Variants in ARHGEF26 observed in about 807,000 individuals in gnomAD.
ARHGEF26 encodes Rho guanine nucleotide exchange factor (GEF) 26.
ARHGEF26 carries 59 observed loss-of-function variants against 89.4 expected under a neutral mutation model. The observed-to-expected ratio is 0.66, with a 90% CI of 0.54 to 0.82. The LOEUF is 0.82. Ranked by LOEUF, ARHGEF26 falls within the 40% of genes least tolerant of loss-of-function variation. The pLI, the probability that ARHGEF26 is intolerant of heterozygous loss-of-function variation, is 0.00. For synonymous variants in ARHGEF26, 500 were observed against 428.4 expected (o/e 1.17, Z -2.06); for missense variants, 1,234 against 1,085.6 (o/e 1.14, Z -1.92).
In ARHGEF26 at chr3:154,124,492, G is replaced by A. The variant is rs1256928739; in HGVS notation, c.1123+43G>A. 5 of 1,485,840 alleles carry A rather than the reference G, an allele frequency of 3.4e-6. No homozygotes were observed. In the African/African-American group the frequency reaches 4.4e-5, roughly 13 times the overall value. 92.0% of individuals were successfully genotyped at this position (1,485,840 alleles called of 1,614,324 possible). Reference sequence around the variant, plus strand: ...CAAACTTTCATTGCTGTTTCAATGTGGAATACCAATTATAAGTTGAAATCC... The same window carrying A: ...CAAACTTTCATTGCTGTTTCAATGTAGAATACCAATTATAAGTTGAAATCC... On this transcript the variant is annotated intron_variant, in intron 3 of 14. Transcript: ENST00000465093.
chr3:154,191,176 A>G lies in ARHGEF26; in HGVS notation c.1641-113A>G, dbSNP rs1329001051. The G allele has an allele frequency of 1.3e-5, 15 of 1,173,710 alleles. No homozygotes were observed. The East Asian group carries it at 1.3e-4, about 10-fold the overall frequency. The allele number at this position is 1,173,710 out of a possible 1,614,324, so 72.7% of individuals were successfully genotyped here. ...TGCTTATGATATTTTCATACAGTTT[A>G]AAATAGTTGATGCTATATGGATTTA... On this transcript the variant is annotated intron_variant, in intron 7 of 14. Transcript: ENST00000465093.
intron 12 of ARHGEF26, among the ~76,000 whole-genome samples, chr3:154,242,960 G>A (rs1193740258): frequency 2.0e-5 from 3 of 152,214 alleles, no homozygotes; most frequent in Admixed American, 6.5e-5. Flanking sequence ...GTTTGCGGCT[G>A]TGGGGAGGTG....
At chr3:154,248,114 G>A (rs544789470) in intron 12 of ARHGEF26, among the ~76,000 whole-genome samples, 27 of 152,282 alleles carry the variant, frequency 1.8e-4, no homozygotes, top group Non-Finnish European at 3.4e-4. Context: ...AGTGTATACC[G>A]TCATGAAACA....
In ARHGEF26 at chr3:154,193,114, CAAAATTTTACAT is replaced by C. The variant is rs1243216489; in HGVS notation, c.1771-1524_1771-1513del. 3.9e-5 allele frequency among the ~76,000 whole-genome samples: 6 copies of C among 152,098 alleles called. No individual in the cohort carries two copies. In the East Asian group the frequency reaches 5.8e-4, roughly 15 times the overall value. ...TCTTCCCAGAGAATATGTGTATGCA[CAAAATTTTACAT>C]AAAATATCAATATATGGAATCCAGC... is the stretch of plus-strand genomic sequence containing the variant. On this transcript the variant is annotated intron_variant, in intron 8 of 14. Coordinates refer to ENST00000465093, the MANE Select transcript of ARHGEF26 (RefSeq NM_015595.4).
intron 7 of ARHGEF26, among the ~76,000 whole-genome samples, chr3:154,189,883 G>GAAACTTAAAACTTA (rs1713841402): frequency 3.3e-5 from 5 of 151,826 alleles, no homozygotes; most frequent in Admixed American, 3.3e-4. Flanking sequence ...TCAGTAAAAG[G>GAAACTTAAAACTTA]AAACTTAAAA....
At chr3:154,208,136 A>G (rs1456212095) in intron 9 of ARHGEF26, among the ~76,000 whole-genome samples, 2 of 152,196 alleles carry the variant, frequency 1.3e-5, no homozygotes, top group African/African-American at 2.4e-5. Flanking sequence ...CAGAATAGCT[A>G]GTGGATTCTG....
chr3:154,191,359 A>T lies in ARHGEF26; in HGVS notation c.1711A>T (p.Met571Leu). 1 of 1,613,812 alleles carries T rather than the reference A, an allele frequency of 6.2e-7. No homozygotes were observed. The highest frequency in any genetic ancestry group is 1.3e-5 in the African/African-American group (1 of 75,032). ...ESHEDCRNLP[M>L]ISFLILPMQR... Reference sequence around the variant, plus strand: ...CCATGAAGACTGTAGGAACTTACCCATGATCTCTTTTCTCATTCTCCCCAT... The same window carrying T: ...CCATGAAGACTGTAGGAACTTACCCTTGATCTCTTTTCTCATTCTCCCCAT... The change falls in exon 8 of 15, where the codon ATG becomes TTG. Residue 571 changes from methionine (M) to leucine (L), a missense_variant. By Grantham distance (15) the Met-to-Leu change is conservative. Transcript: ENST00000465093.
chr3:154,145,947 T>C (rs188681094), intron 4 of ARHGEF26, among the ~76,000 whole-genome samples: 43 of 152,330 alleles, frequency 2.8e-4, no homozygotes, highest in Admixed American at 1.8e-3. Context: ...GTGGAGATGC[T>C]TAGTGTAACT....
chr3:154,228,111 G>A (rs1716599223), intron 11 of ARHGEF26, among the ~76,000 whole-genome samples: 1 of 151,462 alleles, frequency 6.6e-6, no homozygotes, highest in Non-Finnish European at 1.5e-5. Flanking sequence ...TTAATAAAGA[G>A]CAATGCCATT....
intron 9 of ARHGEF26, among the ~76,000 whole-genome samples, chr3:154,204,983 C>A (rs535528125): frequency 6.6e-6 from 1 of 152,166 alleles, no homozygotes; most frequent in African/African-American, 2.4e-5. Flanking sequence ...TTTTATAGCT[C>A]CTGGATGAAA....
chr3:154,189,833 GTTT>G (rs11456094), intron 7 of ARHGEF26, among the ~76,000 whole-genome samples: 1 of 144,252 alleles, frequency 6.9e-6, no homozygotes, highest in Non-Finnish European at 1.5e-5. Flanking sequence ...AGAGGTTTTT[GTTT>G]TTTTTTTTTA....
At chr3:154,172,891 C>G (rs1712536618) in intron 6 of ARHGEF26, among the ~76,000 whole-genome samples, 1 of 152,032 alleles carries the variant, frequency 6.6e-6, no homozygotes, top group African/African-American at 2.4e-5. Context: ...TAAGTAATGT[C>G]CCCATTTTAT....
intron 7 of ARHGEF26, among the ~76,000 whole-genome samples, chr3:154,190,130 G>A (rs1482579676): frequency 6.6e-6 from 1 of 152,160 alleles, no homozygotes; most frequent in East Asian, 1.9e-4. Flanking sequence ...GAAAGTGGCA[G>A]TGGAACTCTA....
chr3:154,253,068 G>C (rs1273337642), intron 12 of ARHGEF26, 48 bp from the exon 13 acceptor site: 1 of 1,607,088 alleles, frequency 6.2e-7, no homozygotes, highest in Non-Finnish European at 8.5e-7. Context: ...ACTCCATTCT[G>C]TGTTTTTACA....
intron 9 of ARHGEF26, among the ~76,000 whole-genome samples, chr3:154,203,036 T>C (rs1253469960): frequency 6.6e-6 from 1 of 152,172 alleles, no homozygotes; most frequent in Non-Finnish European, 1.5e-5. Context: ...CAGCACTATA[T>C]TGAATAGGAG....
chr3:154,229,923 A>C (rs1328694455), intron 11 of ARHGEF26, among the ~76,000 whole-genome samples: 1 of 152,206 alleles, frequency 6.6e-6, no homozygotes, highest in East Asian at 1.9e-4. Flanking sequence ...ATAACATTAT[A>C]ATATCCAATA....
At chr3:154,253,260 A>C (rs1314947633) in intron 13 of ARHGEF26, 77 bp downstream of exon 13, 7 of 1,534,746 alleles carry the variant, frequency 4.6e-6, no homozygotes, top group Non-Finnish European at 6.3e-6. Context: ...GTTACTAACG[A>C]GTTATATTGC....
intron 11 of ARHGEF26, 83 bp from the exon 12 acceptor site, chr3:154,240,287 T>G (rs1202991260): frequency 1.9e-6 from 2 of 1,032,104 alleles, no homozygotes; most frequent in East Asian, 5.1e-5. Flanking sequence ...CCTTGCTGTT[T>G]CCACCAAAAT....
intron 12 of ARHGEF26, among the ~76,000 whole-genome samples, chr3:154,249,428 C>A (rs1442600414): frequency 6.6e-6 from 1 of 152,188 alleles, no homozygotes; most frequent in Non-Finnish European, 1.5e-5. Flanking sequence ...TCATTTCATG[C>A]CATGCATGGA....
Sources: gnomAD v4.1 joint callset for allele counts (sites outside exome capture counted in the v4.1 genomes callset) on GRCh38, gnomAD v4.1.1 for gene constraint, MANE v1.5 for transcripts, NCBI Gene and HGNC (gene_info 2026-07-23, HGNC 2026-07-21) for gene names.